GPC5: variants seen among roughly 807,000 people sequenced by gnomAD.
The protein encoded by GPC5 is glypican-5.
In GPC5, 47 loss-of-function variants were observed where a neutral mutation model predicts 53.9. The ratio of observed to expected loss-of-function variants is 0.87; its 90% CI spans 0.69 to 1.11. The LOEUF (loss-of-function observed/expected upper bound fraction) is 1.11. Ranked by LOEUF, GPC5 falls within the 50% of genes most tolerant of loss-of-function variation. The probability of loss-of-function intolerance (pLI) is 0.00; values close to 1 mark genes in which losing one functional copy is unlikely to be tolerated. For missense variants in GPC5, 748 were observed against 713.1 expected (o/e 1.05, Z -0.56); for synonymous variants, 286 against 263.3 (o/e 1.09, Z -0.84).
chr13:92,561,653 A>G (rs1227842714), intron 7 of GPC5, among the ~76,000 whole-genome samples: 1 of 152,084 alleles, frequency 6.6e-6, no homozygotes, highest in African/African-American at 2.4e-5. Context: ...TGTTATCATT[A>G]GTACCAACCA....
At position 91,571,746 on chromosome 13, in the gene GPC5, T is replaced by C. The variant is rs916833594; in HGVS notation, c.326-121441T>C. ...TCTCAAATATATATATATGTATATA[T>C]ACACACATATACATGTGTATGTGTA... On this transcript the variant is annotated intron_variant, in intron 2 of 7. Coordinates refer to ENST00000377067, the MANE Select transcript of GPC5 (RefSeq NM_004466.6). 3.6e-4 allele frequency among the ~76,000 whole-genome samples: 52 copies of C among 143,402 alleles called. 3 individuals carry two copies. The highest frequency in any genetic ancestry group is 1.2e-3 in the African/African-American group (45 of 37,020). 94.1% of individuals were successfully genotyped at this position (143,402 alleles called of 152,430 possible).
intron 7 of GPC5, among the ~76,000 whole-genome samples, chr13:92,348,782 T>C (rs2043449951): frequency 6.6e-6 from 1 of 152,040 alleles, no homozygotes; most frequent in Admixed American, 6.6e-5. Context: ...TTCAAAAAAC[T>C]CACAAATACA....
rs1304989704 is a variant in GPC5, at chr13:91,398,649, C to T, written c.-398C>T. On this transcript the variant is annotated 5_prime_UTR_variant, in exon 1 of 8. Coordinates refer to ENST00000377067, the MANE Select transcript of GPC5 (RefSeq NM_004466.6). ...CCAGGTTAGCTGCTGCGAGCCGAGC[C>T]GGGCGGCGGAGGCGGCGGCGGCGGC... is the stretch of plus-strand genomic sequence containing the variant. 3 of 174,096 alleles carry T rather than the reference C, an allele frequency of 1.7e-5. No individual in the cohort carries two copies. Among genetic ancestry groups the T allele is most frequent in the African/African-American group, 2.5e-5 (1 of 39,360 alleles). The allele number at this position is 174,096 out of a possible 1,614,324, so 10.8% of individuals were successfully genotyped here.
chr13:92,550,556 G>A lies in GPC5; in HGVS notation c.1562-315726G>A, dbSNP rs550690569. Among the ~76,000 whole-genome samples, 7 of 151,792 alleles carry A rather than the reference G, an allele frequency of 4.6e-5. No individual in the cohort carries two copies. In the South Asian group the frequency reaches 1.5e-3, roughly 32 times the overall value. On this transcript the variant is annotated intron_variant, in intron 7 of 7. Transcript: ENST00000377067. ...AGAGGCCAAAAGTAAAGAAATATGT[G>A]TCAAGTAACATATTCCAACGGCAGG...
chr13:91,975,093 T>A (rs1263202111), intron 6 of GPC5, among the ~76,000 whole-genome samples: 3 of 152,176 alleles, frequency 2.0e-5, no homozygotes, highest in Admixed American at 2.0e-4. Flanking sequence ...CTGGATCCCT[T>A]CCTCACACCT....
At chr13:92,413,974 A>AT (rs1485191049) in intron 7 of GPC5, among the ~76,000 whole-genome samples, 2 of 152,074 alleles carry the variant, frequency 1.3e-5, no homozygotes, top group South Asian at 2.1e-4. Context: ...CATTTTTCTA[A>AT]TTTTTTCTAT....
At chr13:91,896,155 T>C (rs1218406734) in intron 5 of GPC5, among the ~76,000 whole-genome samples, 1 of 149,366 alleles carries the variant, frequency 6.7e-6, no homozygotes, top group Admixed American at 6.7e-5. Flanking sequence ...AGTCTCGCTC[T>C]ATCATCCAGG....
At chr13:92,737,109 T>C (rs1888956082) in intron 7 of GPC5, among the ~76,000 whole-genome samples, 1 of 152,140 alleles carries the variant, frequency 6.6e-6, no homozygotes, top group East Asian at 1.9e-4. Context: ...CAGTTCATCA[T>C]TGCATAGCTA....
intron 3 of GPC5, among the ~76,000 whole-genome samples, chr13:91,728,107 G>T (rs959203017): frequency 6.6e-6 from 1 of 152,008 alleles, no homozygotes; most frequent in African/African-American, 2.4e-5. Flanking sequence ...AAAGATATTT[G>T]CTTTTGGCCT....
intron 7 of GPC5, among the ~76,000 whole-genome samples, chr13:92,522,665 G>A (rs576005824): frequency 6.6e-6 from 1 of 152,206 alleles, no homozygotes; most frequent in Admixed American, 6.5e-5. Flanking sequence ...TACACCTAAT[G>A]TAAGTGATGA....
intron 7 of GPC5, among the ~76,000 whole-genome samples, chr13:92,505,125 T>G (rs1880322636): frequency 6.6e-6 from 1 of 151,790 alleles, no homozygotes. Flanking sequence ...AAAGTTACTG[T>G]TTACTTTAAC....
intron 7 of GPC5, among the ~76,000 whole-genome samples, chr13:92,399,195 C>T (rs1875441579): frequency 6.6e-6 from 1 of 152,180 alleles, no homozygotes; most frequent in Admixed American, 6.5e-5. Flanking sequence ...GCTGAGTGTA[C>T]TGCAGGCTGA....
intron 4 of GPC5, among the ~76,000 whole-genome samples, chr13:91,749,606 C>CAA (rs2037125952): frequency 6.6e-6 from 1 of 152,084 alleles, no homozygotes; most frequent in African/African-American, 2.4e-5. Flanking sequence ...GGGAAATACC[C>CAA]AATAGTGGGA....
chr13:92,323,355 CAG>C (rs1352810373), intron 7 of GPC5, among the ~76,000 whole-genome samples: 1 of 145,350 alleles, frequency 6.9e-6, no homozygotes, highest in African/African-American at 2.5e-5. Context: ...ACATATATAA[CAG>C]ATACATATAT....
At chr13:91,842,895 A>T (rs2138875262) in intron 5 of GPC5, among the ~76,000 whole-genome samples, 1 of 152,252 alleles carries the variant, frequency 6.6e-6, no homozygotes, top group East Asian at 1.9e-4. Flanking sequence ...ATTCAGATAA[A>T]TGGAATCCTT....
intron 7 of GPC5, among the ~76,000 whole-genome samples, chr13:92,556,843 A>G (rs1350985024): frequency 1.3e-5 from 2 of 151,886 alleles, no homozygotes; most frequent in Admixed American, 6.6e-5. Flanking sequence ...TCACCTGTAC[A>G]ATTTCTGCTC....
Position 91,398,680 on chromosome 13 carries a change from TGGCGG to T in GPC5, c.-366_-362del. ...GCGGAGGCGGCGGCGGCGGCGGCAGTGGCGGCAGTGGCGGCAGTGGCGGCAGCGGC... is the reference window on the plus strand; with the variant it reads ...GCGGAGGCGGCGGCGGCGGCGGCAGTCAGTGGCGGCAGTGGCGGCAGCGGC... On this transcript the variant is annotated 5_prime_UTR_variant, in exon 1 of 8. Coordinates refer to ENST00000377067, the MANE Select transcript of GPC5 (RefSeq NM_004466.6). 1 of 22,972 alleles carries T rather than the reference TGGCGG, an allele frequency of 4.4e-5. No homozygotes were observed. The highest frequency in any genetic ancestry group is 1.5e-3 in the South Asian group (1 of 666). The allele number at this position is 22,972 out of a possible 1,614,324, so 1.4% of individuals were successfully genotyped here. A position where few individuals can be genotyped will look rare whatever the true frequency, so the allele number is the denominator to read the frequency against.
intron 7 of GPC5, among the ~76,000 whole-genome samples, chr13:92,697,133 A>T (rs1370336266): frequency 1.3e-5 from 2 of 151,422 alleles, no homozygotes; most frequent in Non-Finnish European, 2.9e-5. Context: ...AGGTAGCGTG[A>T]TGCCTCCAGC....
chr13:92,253,345 G>A (rs1566505448), intron 7 of GPC5, among the ~76,000 whole-genome samples: 1 of 152,044 alleles, frequency 6.6e-6, no homozygotes, highest in African/African-American at 2.4e-5. Context: ...TCATAAACTG[G>A]CATGAGTGAG....
Sources: allele counts gnomAD v4.1 joint callset (sites outside exome capture counted in the v4.1 genomes callset), GRCh38; gene constraint gnomAD v4.1.1; transcripts MANE v1.5; gene names NCBI Gene and HGNC (gene_info 2026-07-23, HGNC 2026-07-21).